The following DLEC1 variants were observed in gnomAD, a reference collection of about 807,000 sequenced individuals.
The protein encoded by DLEC1 is DLEC1 cilia and flagella associated protein, also known as deleted in lung and esophageal cancer protein 1.
In DLEC1, 146 loss-of-function variants were observed where a neutral mutation model predicts 198.1. The ratio of observed to expected loss-of-function variants is 0.74; its 90% CI spans 0.64 to 0.85. The LOEUF is 0.85. Ranked by LOEUF, DLEC1 falls within the 40% of genes least tolerant of loss-of-function variation. The pLI, the probability that DLEC1 is intolerant of heterozygous loss-of-function variation, is 0.00. For missense variants in DLEC1, 2,233 were observed against 2,220.0 expected (o/e 1.01, Z -0.12); for synonymous variants, 897 against 866.8 (o/e 1.03, Z -0.61).
At chr3:38,043,851 G>A (rs796857110) in intron 1 of DLEC1, among the ~76,000 whole-genome samples, 5 of 152,160 alleles carry the variant, frequency 3.3e-5, no homozygotes, top group African/African-American at 9.6e-5. Context: ...CTGCCACCAC[G>A]CCTGGGTACA....
At position 38,117,874 on chromosome 3, in the gene DLEC1, C is replaced by T; in HGVS notation, c.4554C>T (p.Phe1518=). ...LTNTTEIPHY[F]RLMVSRPFSV... is the part of the protein sequence containing the mutation. ...ACACTACAGAGATCCCACACTACTT[C>T]CGGCTTATGGTCTCCAGGCCCTTCT... The change falls in exon 33 of 37, where the codon TTC becomes TTT. Residue 1518 remains phenylalanine (F), a synonymous_variant. Transcript: ENST00000308059. The T allele has an allele frequency of 6.2e-7, 1 of 1,614,194 alleles. No individual in the cohort carries two copies. The highest frequency in any genetic ancestry group is 8.5e-7 in the Non-Finnish European group (1 of 1,180,034).
chr3:38,051,110 A>G (rs1334510079), intron 2 of DLEC1, among the ~76,000 whole-genome samples: 2 of 152,270 alleles, frequency 1.3e-5, no homozygotes, highest in South Asian at 2.1e-4. Context: ...TGTGTTGCCC[A>G]GGCTGGTCTT....
intron 2 of DLEC1, among the ~76,000 whole-genome samples, chr3:38,058,274 G>A (rs1024953065): frequency 6.6e-6 from 1 of 152,208 alleles, no homozygotes; most frequent in Non-Finnish European, 1.5e-5. Context: ...GGGATGGGAT[G>A]AAGGGGAATG....
chr3:38,052,203 AC>A, intron 2 of DLEC1: 1 of 449,720 alleles, frequency 2.2e-6, no homozygotes. Flanking sequence ...TTTCATCCAT[AC>A]CCAATGTAAA....
chr3:38,122,445 G>C lies in DLEC1; in HGVS notation c.*33G>C. On this transcript the variant is annotated 3_prime_UTR_variant, in exon 37 of 37. Coordinates refer to ENST00000308059, the MANE Select transcript of DLEC1 (RefSeq NM_007335.4). ...CCCCAGCCCTCAGCCCCAGGCCCCA[G>C]CTGGAGAAAAAACATTGCCCAGGGA... 1 of 1,614,098 alleles carries C rather than the reference G, an allele frequency of 6.2e-7. No individual in the cohort carries two copies. Among genetic ancestry groups the C allele is most frequent in the Non-Finnish European group, 8.5e-7 (1 of 1,180,024 alleles).
chr3:38,111,530 A>C (rs958367254), intron 23 of DLEC1, 147 bp from the exon 24 acceptor site: 1 of 684,944 alleles, frequency 1.5e-6, no homozygotes, highest in African/African-American at 1.9e-5. Context: ...AAAGGAAAGA[A>C]CTGACCAGCT....
At chr3:38,115,330 C>G (rs1700097709) in intron 27 of DLEC1, among the ~76,000 whole-genome samples, 1 of 152,182 alleles carries the variant, frequency 6.6e-6, no homozygotes, top group African/African-American at 2.4e-5. Flanking sequence ...ACAGCGGGGA[C>G]AGGACAGCAG....
chr3:38,111,281 C>T (rs1277986921), intron 23 of DLEC1, among the ~76,000 whole-genome samples: 2 of 152,154 alleles, frequency 1.3e-5, no homozygotes, highest in African/African-American at 4.8e-5. Context: ...CAATGCTGGA[C>T]AGATGTCAGC....
chr3:38,065,860 T>C (rs1378677016), intron 6 of DLEC1, among the ~76,000 whole-genome samples: 2 of 152,266 alleles, frequency 1.3e-5, no homozygotes, highest in African/African-American at 4.8e-5. Flanking sequence ...TAGTTGATAA[T>C]AATTCCTCTC....
At chr3:38,084,813 G>A (rs528776319) in intron 7 of DLEC1, among the ~76,000 whole-genome samples, 6 of 151,948 alleles carry the variant, frequency 3.9e-5, no homozygotes, top group Admixed American at 1.3e-4. Context: ...CCCAGGCACT[G>A]GTCCTGCTAT....
intron 23 of DLEC1, 149 bp downstream of exon 23, chr3:38,110,430 G>A: frequency 5.9e-6 from 6 of 1,020,414 alleles, no homozygotes; most frequent in Non-Finnish European, 8.6e-6. Flanking sequence ...GACAGGCAGA[G>A]AGGAAATGGC....
At chr3:38,084,111 G>A (rs375938072) in intron 6 of DLEC1, 47 bp from the exon 7 acceptor site, 413 of 1,553,930 alleles carry the variant, frequency 2.7e-4, no homozygotes, top group East Asian at 6.3e-4. Flanking sequence ...GTATCATTTC[G>A]TCTATAAGTG....
At position 38,117,609 on chromosome 3, in the gene DLEC1, G is replaced by A. The variant is rs764795593; in HGVS notation, c.4483G>A (p.Gly1495Arg). 4 of 1,614,012 alleles carry A rather than the reference G, an allele frequency of 2.5e-6. No homozygotes were observed. Among genetic ancestry groups the A allele is most frequent in the Middle Eastern group, 3.3e-4 (2 of 6,082 alleles). ...SDLIPEQPCS[G>R]VLSELVTTHH... is the part of the protein sequence containing the mutation. ...CCTCATTCCCGAGCAGCCCTGCTCT[G>A]GGGTGAGTGTGCTGCCACCCTCTGG... The change falls in exon 32 of 37, where the codon GGG becomes AGG. Residue 1495 changes from glycine to arginine, a missense_variant and splice_region_variant. Physicochemically the swap from Gly to Arg is moderately radical, Grantham distance 125. Transcript: ENST00000308059.
At chr3:38,054,360 T>C (rs2125595253) in intron 2 of DLEC1, among the ~76,000 whole-genome samples, 1 of 152,338 alleles carries the variant, frequency 6.6e-6, no homozygotes, top group South Asian at 2.1e-4. Context: ...CTGACGTTTT[T>C]CTGGGTCTGA....
chr3:38,101,240 G>A (rs6782374), intron 19 of DLEC1, among the ~76,000 whole-genome samples: 4 of 152,070 alleles, frequency 2.6e-5, no homozygotes, highest in Non-Finnish European at 5.9e-5. Context: ...GGCAAATCAC[G>A]AGGTCAGGAG....
intron 6 of DLEC1, among the ~76,000 whole-genome samples, chr3:38,073,707 G>T (rs1014368500): frequency 6.6e-6 from 1 of 152,140 alleles, no homozygotes; most frequent in Non-Finnish European, 1.5e-5. Flanking sequence ...GCACCAGAGT[G>T]GGGGAGTTTT....
intron 34 of DLEC1, among the ~76,000 whole-genome samples, chr3:38,121,025 C>CAGA (rs111551337): frequency 0.075 from 11,429 of 152,224 alleles, 899 homozygotes; most frequent in African/African-American, 0.2. Flanking sequence ...CACCATGGAC[C>CAGA]AGGTCACCAG....
rs201843677 is a variant in DLEC1 at position 38,045,693 on chromosome 3, G to A, written c.562G>A (p.Val188Met). 20 of 1,609,662 alleles carry A rather than the reference G, an allele frequency of 1.2e-5. No homozygotes were observed. In the Admixed American group the frequency reaches 3.4e-4, roughly 27 times the overall value. Residue 188 changes from valine to methionine, a missense_variant and splice_region_variant, in exon 2 of 37, where the codon GTG becomes ATG. Val to Met is a conservative substitution (Grantham distance 21, BLOSUM62 1). Coordinates refer to ENST00000308059, the MANE Select transcript of DLEC1 (RefSeq NM_007335.4). Reference protein sequence around the residue: ...DLESLVRLPPVKSVSRWCIDS... With the variant: ...DLESLVRLPPMKSVSRWCIDS... ...CGAGAGCCTTGTCAGGTTGCCTCCA[G>A]GTGTGTATAAAGAACTCCCACATGC...
intron 6 of DLEC1, among the ~76,000 whole-genome samples, chr3:38,081,659 TG>T (rs1200221986): frequency 1.3e-4 from 6 of 47,798 alleles, no homozygotes; most frequent in African/African-American, 1.9e-4. Flanking sequence ...GCTGGCCGGG[TG>T]GGGGGGCTGA....
Sources: allele counts gnomAD v4.1 joint callset (sites outside exome capture counted in the v4.1 genomes callset), GRCh38; gene constraint gnomAD v4.1.1; transcripts MANE v1.5; gene names NCBI Gene and HGNC (gene_info 2026-07-23, HGNC 2026-07-21).